PLCB4: variants seen among roughly 807,000 people sequenced by gnomAD.
PLCB4 encodes phospholipase C beta 4, also known as 1-phosphatidylinositol 4,5-bisphosphate phosphodiesterase beta-4.
In PLCB4, 77 loss-of-function variants were observed where a neutral mutation model predicts 178.8. The ratio of observed to expected loss-of-function variants is 0.43; its 90% confidence interval spans 0.36 to 0.52. The LOEUF (loss-of-function observed/expected upper bound fraction) is 0.52. PLCB4 is among the 20% of genes least tolerant of loss of function. The pLI is 0.00. For missense variants in PLCB4, 1,024 were observed against 1,453.4 expected (o/e 0.70, Z 4.80); for synonymous variants, 496 against 490.8 (o/e 1.01, Z -0.14).
chr20:9,127,303 C>T (rs1311388946), intron 2 of PLCB4, among the ~76,000 whole-genome samples: 2 of 152,110 alleles, frequency 1.3e-5, no homozygotes, highest in East Asian at 3.9e-4. Context: ...GTTCAAGGAA[C>T]ACGCCTCACA....
At chr20:9,408,549 G>C (rs2039622965) in intron 22 of PLCB4, 84 bp from the exon 23 acceptor site, 1 of 660,552 alleles carries the variant, frequency 1.5e-6, no homozygotes, top group Non-Finnish European at 2.8e-6. Flanking sequence ...ATGATTCAGG[G>C]TGTAATTGCA....
intron 3 of PLCB4, among the ~76,000 whole-genome samples, chr20:9,299,431 C>T (rs996217527): frequency 6.6e-6 from 1 of 151,946 alleles, no homozygotes; most frequent in Non-Finnish European, 1.5e-5. Context: ...ATATGTCTTG[C>T]TAGTTTTTCC....
intron 17 of PLCB4, among the ~76,000 whole-genome samples, chr20:9,392,173 A>G (rs932334231): frequency 1.7e-4 from 26 of 152,352 alleles, no homozygotes; most frequent in African/African-American, 5.8e-4. Flanking sequence ...TACCAGCTGA[A>G]GGGTGTCCAG....
At chr20:9,281,925 G>A (rs2031589265) in intron 3 of PLCB4, among the ~76,000 whole-genome samples, 1 of 151,928 alleles carries the variant, frequency 6.6e-6, no homozygotes, top group African/African-American at 2.4e-5. Flanking sequence ...ACATCCAGAA[G>A]TGAAAAATAC....
intron 3 of PLCB4, among the ~76,000 whole-genome samples, chr20:9,247,666 T>C (rs144914378): frequency 7.2e-5 from 11 of 152,320 alleles, no homozygotes; most frequent in African/African-American, 2.6e-4. Context: ...TTGTTGAGTT[T>C]GTTCCCACTT....
At chr20:9,118,560 GTAATT>G (rs1159177842) in intron 2 of PLCB4, among the ~76,000 whole-genome samples, 1 of 151,908 alleles carries the variant, frequency 6.6e-6, no homozygotes, top group Non-Finnish European at 1.5e-5. Flanking sequence ...GATCTGGTGT[GTAATT>G]TACACACAGC....
chr20:9,415,893 C>G (rs1421828537), intron 25 of PLCB4, among the ~76,000 whole-genome samples: 1 of 152,134 alleles, frequency 6.6e-6, no homozygotes. Flanking sequence ...TATCAATGCC[C>G]CAGCCCCCTG....
chr20:9,127,565 T>G (rs1378481352), intron 2 of PLCB4, among the ~76,000 whole-genome samples: 1 of 152,040 alleles, frequency 6.6e-6, no homozygotes. Flanking sequence ...GGTCTTTGAG[T>G]GGGTTGTTAG....
At chr20:9,354,050 T>G (rs2034571675) in intron 7 of PLCB4, among the ~76,000 whole-genome samples, 1 of 152,254 alleles carries the variant, frequency 6.6e-6, no homozygotes, top group Non-Finnish European at 1.5e-5. Context: ...GCCAGCTCCC[T>G]GCTGCCTGAT....
intron 35 of PLCB4, among the ~76,000 whole-genome samples, chr20:9,464,384 G>A (rs1039405206): frequency 1.3e-5 from 2 of 152,208 alleles, no homozygotes; most frequent in East Asian, 3.9e-4. Flanking sequence ...AGACGCAAGA[G>A]CAAACAAATT....
Position 9,229,655 on chromosome 20 carries a change from C to G in PLCB4, c.-16+12203C>G, listed in dbSNP as rs2093910286. 3.3e-5 allele frequency among the ~76,000 whole-genome samples: 5 copies of G among 151,914 alleles called. No individual in the cohort carries two copies. The South Asian group carries it at 1.0e-3, about 32-fold the overall frequency. The stretch of plus-strand genomic sequence containing the variant: ...TGGTACCTTTTAATACATCTAAAAA[C>G]AGTTTTTACAACAAATCTGGGTTCT... On this transcript the variant is annotated intron_variant, in intron 3 of 39. Transcript: ENST00000378473.
intron 22 of PLCB4, among the ~76,000 whole-genome samples, chr20:9,408,290 C>G (rs2039597471): frequency 6.6e-6 from 1 of 152,164 alleles, no homozygotes; most frequent in African/African-American, 2.4e-5. Flanking sequence ...TTTGTTAGTG[C>G]TGGGCATGTA....
chr20:9,429,947 A>G lies in PLCB4; in HGVS notation c.2525-5613A>G, dbSNP rs144474992. 2.2e-4 allele frequency among the ~76,000 whole-genome samples: 33 copies of G among 152,290 alleles called. No homozygotes were observed. The East Asian group carries it at 6.2e-3, about 28-fold the overall frequency. On this transcript the variant is annotated intron_variant, in intron 28 of 39. Coordinates refer to ENST00000378473, the MANE Select transcript of PLCB4 (RefSeq NM_001377142.1). Reference sequence around the variant, plus strand: ...CTGCCACCACATGACCCAATTAGACATCCTAGAAAGGGGTATCCAATCTTT... The same window carrying G: ...CTGCCACCACATGACCCAATTAGACGTCCTAGAAAGGGGTATCCAATCTTT...
chr20:9,149,179 A>G (rs1236730447), intron 2 of PLCB4, among the ~76,000 whole-genome samples: 3 of 152,028 alleles, frequency 2.0e-5, no homozygotes, highest in African/African-American at 7.2e-5. Context: ...TGTCTCTTCC[A>G]TGTGTCTCTT....
At chr20:9,237,566 C>T (rs965653127) in intron 3 of PLCB4, among the ~76,000 whole-genome samples, 1 of 152,160 alleles carries the variant, frequency 6.6e-6, no homozygotes, top group Non-Finnish European at 1.5e-5. Flanking sequence ...GGATGAGGCT[C>T]AGCCATCTGT....
intron 2 of PLCB4, among the ~76,000 whole-genome samples, chr20:9,197,494 G>A (rs183183456): frequency 4.8e-4 from 73 of 152,168 alleles, no homozygotes; most frequent in East Asian, 4.4e-3. Flanking sequence ...AGAATATAGC[G>A]GATTAATGAA....
intron 2 of PLCB4, among the ~76,000 whole-genome samples, chr20:9,118,447 T>G (rs1162431567): frequency 6.6e-6 from 1 of 151,656 alleles, no homozygotes; most frequent in Non-Finnish European, 1.5e-5. Context: ...GACAAATTAA[T>G]ATTAACTTTT....
intron 2 of PLCB4, among the ~76,000 whole-genome samples, chr20:9,210,701 G>T (rs1285480680): frequency 6.6e-6 from 1 of 152,138 alleles, no homozygotes; most frequent in Non-Finnish European, 1.5e-5. Flanking sequence ...AACTCTAAAA[G>T]ATCACCATGG....
chr20:9,126,905 A>T (rs573325400), intron 2 of PLCB4, among the ~76,000 whole-genome samples: 2 of 152,192 alleles, frequency 1.3e-5, no homozygotes, highest in South Asian at 4.2e-4. Context: ...AGCAAAATAA[A>T]ATAAAATGCC....
Sources: gnomAD v4.1 joint callset for allele counts (sites outside exome capture counted in the v4.1 genomes callset) on GRCh38, gnomAD v4.1.1 for gene constraint, MANE v1.5 for transcripts, NCBI Gene and HGNC (gene_info 2026-07-23, HGNC 2026-07-21) for gene names.